CSMD2: variants seen among roughly 807,000 people sequenced by gnomAD.
CSMD2 encodes CUB and Sushi multiple domains 2, also known as CUB and sushi domain-containing protein 2.
CSMD2 carries 130 observed loss-of-function variants against 398.5 expected under a neutral mutation model. The ratio of observed to expected loss-of-function variants is 0.33; its 90% CI spans 0.28 to 0.38. The LOEUF is 0.38. Among genes scored for constraint, CSMD2 ranks in the 10% least tolerant of loss-of-function variants. CSMD2 has a pLI of 1.00. For missense variants in CSMD2, 3,829 were observed against 4,764.9 expected, an observed-to-expected ratio of 0.80 and a Z score of 5.78; for synonymous variants, 1,828 against 1,908.5, an observed-to-expected ratio of 0.96 and a Z score of 1.10.
intron 29 of CSMD2, among the ~76,000 whole-genome samples, chr1:33,642,915 T>G (rs1270861568): frequency 6.6e-6 from 1 of 152,194 alleles, no homozygotes; most frequent in Non-Finnish European, 1.5e-5. Context: ...TCTCTCTGCC[T>G]TGGGTCAGGG....
intron 28 of CSMD2, 87 bp downstream of exon 28, chr1:33,652,236 C>T (rs1019208699): frequency 1.4e-6 from 2 of 1,404,768 alleles, no homozygotes; most frequent in Non-Finnish European, 2.0e-6. Context: ...CTGCTACAGA[C>T]CTGTGAATAC....
At chr1:34,080,618 C>T (rs954261819) in intron 2 of CSMD2, among the ~76,000 whole-genome samples, 1 of 151,806 alleles carries the variant, frequency 6.6e-6, no homozygotes, top group African/African-American at 2.4e-5. Context: ...AACAAAATTG[C>T]AATTAGAAAC....
At position 33,788,643 on chromosome 1, in the gene CSMD2, A is replaced by G; in HGVS notation, c.1620T>C (p.Thr540=). 4 of 1,613,900 alleles carry G rather than the reference A, an allele frequency of 2.5e-6. No homozygotes were observed. The highest frequency in any genetic ancestry group is 3.4e-6 in the Non-Finnish European group (4 of 1,179,750). Residue 540 remains threonine (T), a synonymous_variant, in exon 12 of 71, where the codon ACT becomes ACC. Transcript: ENST00000373381. ...ATCCCAGGGAACTGCCACTGCCATC[A>G]GTCTGGAAGAGGAGCCACATTTGAT... The part of the protein sequence containing the change: ...TNHQMWLLFQ[T]DGSGSSLGFK...
At position 34,165,222 on chromosome 1, in the gene CSMD2, G is replaced by T; in HGVS notation, c.-125C>A. The T allele has an allele frequency of 2.6e-6, 3 of 1,171,192 alleles. No individual in the cohort carries two copies. Among genetic ancestry groups the T allele is most frequent in the Non-Finnish European group, 3.2e-6 (3 of 949,350 alleles). 72.5% of individuals were successfully genotyped at this position (1,171,192 alleles called of 1,614,324 possible). On this transcript the variant is annotated 5_prime_UTR_variant, in exon 1 of 71. Transcript: ENST00000373381. ...GTACGCGGGAGCCCTGAGCTTCTGC[G>T]GCTGGAATGAACCAAGTGTCCGCCC...
Position 33,807,906 on chromosome 1 carries a change from C to T in CSMD2, c.1446+2837G>A, listed in dbSNP as rs12144581. On this transcript the variant is annotated intron_variant, in intron 10 of 70. Coordinates refer to ENST00000373381, the MANE Select transcript of CSMD2 (RefSeq NM_001281956.2). ...AAACACATATAAAGCACAAGGAAGT[C>T]GAAAAGTTAACAGTAAGAGAATAGA... is the stretch of plus-strand genomic sequence containing the variant. 7.0e-4 allele frequency among the ~76,000 whole-genome samples: 106 copies of T among 151,824 alleles called. 2 individuals are homozygous for T. The South Asian group carries it at 0.016, about 23-fold the overall frequency.
intron 1 of CSMD2, among the ~76,000 whole-genome samples, chr1:34,134,052 CAAAAAAAAA>C (rs59062675): frequency 2.3e-5 from 2 of 85,232 alleles, no homozygotes; most frequent in Non-Finnish European, 4.5e-5. Flanking sequence ...GACTCTGTCT[CAAAAAAAAA>C]AAAAAAAAAA....
At position 34,084,324 on chromosome 1, in the gene CSMD2, A is replaced by G. The variant is rs115540743; in HGVS notation, c.404+4653T>C. ...CTTCCATACTTCCTCTCAGAGTCAG[A>G]AAACCCAAGTGTCTAACACCAAAAG... On this transcript the variant is annotated intron_variant, in intron 2 of 70. Coordinates refer to ENST00000373381, the MANE Select transcript of CSMD2 (RefSeq NM_001281956.2). 1.4e-3 allele frequency among the ~76,000 whole-genome samples: 207 copies of G among 152,326 alleles called. 1 individual carries two copies. Among genetic ancestry groups the G allele is most frequent in the African/African-American group, 4.7e-3 (194 of 41,572 alleles).
chr1:33,591,191 T>C (rs1639427478), intron 44 of CSMD2, among the ~76,000 whole-genome samples: 1 of 152,114 alleles, frequency 6.6e-6, no homozygotes, highest in Non-Finnish European at 1.5e-5. Context: ...TTTCTCCATG[T>C]TGGTCAGGCT....
chr1:33,698,878 C>T lies in CSMD2; in HGVS notation c.3800G>A (p.Gly1267Asp). ...GGACACGGAGCTCCCTGCAAAATGA[C>T]CTTCATCATGAACCTTGTAGCCAAA... ...PKFGYKVHDE[G>D]HFAGSSVSFS... The change falls in exon 24 of 71, where the codon GGT becomes GAT. Residue 1267 changes from glycine to aspartate, a missense_variant. Transcript: ENST00000373381. 1.9e-6 allele frequency: 3 copies of T among 1,614,186 alleles called. No individual in the cohort carries two copies. The highest frequency in any genetic ancestry group is 2.5e-6 in the Non-Finnish European group (3 of 1,180,030).
chr1:34,003,414 TAATA>T (rs1646961114), intron 3 of CSMD2, among the ~76,000 whole-genome samples: 1 of 152,172 alleles, frequency 6.6e-6, no homozygotes, highest in Non-Finnish European at 1.5e-5. Flanking sequence ...ACAAGGTGAC[TAATA>T]AATAATCCCC....
rs1031216711 is a variant in CSMD2, at chr1:33,875,041, C to T, written c.921-28045G>A. Among the ~76,000 whole-genome samples, 9 of 152,268 alleles carry T rather than the reference C, an allele frequency of 5.9e-5. No homozygotes were observed. In the East Asian group the frequency reaches 9.7e-4, roughly 16 times the overall value. ...ACTCTGCCAGGAAGTGGGAAAGGGC[C>T]GCCAAGGCCTGATCATCAGTCCACT... is the stretch of plus-strand genomic sequence containing the variant. On this transcript the variant is annotated intron_variant, in intron 5 of 70. Transcript: ENST00000373381.
At chr1:33,992,134 G>A (rs970411605) in intron 3 of CSMD2, among the ~76,000 whole-genome samples, 7 of 152,182 alleles carry the variant, frequency 4.6e-5, no homozygotes, top group Admixed American at 1.3e-4. Context: ...GTGTAAACAA[G>A]CTTTGGAGAA....
At chr1:33,735,285 A>G (rs1646849390) in intron 15 of CSMD2, among the ~76,000 whole-genome samples, 1 of 152,190 alleles carries the variant, frequency 6.6e-6, no homozygotes, top group African/African-American at 2.4e-5. Context: ...GACAATAACG[A>G]CATCTATTTC....
Position 33,928,465 on chromosome 1 carries a change from G to A in CSMD2, c.712+7295C>T, listed in dbSNP as rs116304654. Among the ~76,000 whole-genome samples, 469 of 152,312 alleles carry A rather than the reference G, an allele frequency of 3.1e-3. 1 individual carries two copies. Among genetic ancestry groups the A allele is most frequent in the African/African-American group, 0.011 (451 of 41,562 alleles). On this transcript the variant is annotated intron_variant, in intron 4 of 70. Transcript: ENST00000373381. ...CTATGAACAAGGCCCTCTGCTATGT[G>A]CTTAGCATTTATCAATGTGAACCTC...
At chr1:33,875,353 G>A (rs895932997) in intron 5 of CSMD2, 1 of 152,220 alleles carries the variant, frequency 6.6e-6, no homozygotes, top group African/African-American at 2.4e-5. Flanking sequence ...CAAAGAGGAA[G>A]GGTATTTCTT....
In CSMD2 at chr1:33,709,427, A is replaced by C. The variant is rs1049668435; in HGVS notation, c.3407-169T>G. The C allele has an allele frequency of 8.8e-6, 5 of 566,926 alleles. No homozygotes were observed. In the East Asian group the frequency reaches 1.5e-4, roughly 16 times the overall value. 35.1% of individuals were successfully genotyped at this position (566,926 alleles called of 1,614,324 possible). ...GGACTGTCTACAGAAATGCCTCTCA[A>C]ACTTAAAAAAAAAATACTTCCCTAC... On this transcript the variant is annotated intron_variant, in intron 21 of 70. Coordinates refer to ENST00000373381, the MANE Select transcript of CSMD2 (RefSeq NM_001281956.2).
chr1:33,947,842 A>T (rs907933968), intron 3 of CSMD2, among the ~76,000 whole-genome samples: 5 of 152,172 alleles, frequency 3.3e-5, no homozygotes, highest in Admixed American at 2.6e-4. Context: ...TTTCTCATTT[A>T]ATGCTCATAA....
At chr1:33,577,262 C>T in intron 49 of CSMD2, 34 bp downstream of exon 49, 1 of 1,562,948 alleles carries the variant, frequency 6.4e-7, no homozygotes, top group Non-Finnish European at 8.7e-7. Flanking sequence ...TGGATCCGAG[C>T]TACCTTGTGA....
chr1:33,944,324 C>T (rs1484140071), intron 3 of CSMD2, among the ~76,000 whole-genome samples: 1 of 152,002 alleles, frequency 6.6e-6, no homozygotes, highest in South Asian at 2.1e-4. Flanking sequence ...GAGTGGGCTG[C>T]ACCAGGGAAG....
Sources: gnomAD v4.1 joint callset for allele counts (sites outside exome capture counted in the v4.1 genomes callset) on GRCh38, gnomAD v4.1.1 for gene constraint, MANE v1.5 for transcripts, NCBI Gene and HGNC (gene_info 2026-07-23, HGNC 2026-07-21) for gene names.